The following RCAN3 variants were observed in gnomAD, a reference collection of about 807,000 sequenced individuals.
RCAN3 encodes calcipressin-3.
A neutral mutation model predicts 21.9 loss-of-function variants in RCAN3; 19 were observed. That is an observed-to-expected ratio of 0.87 (90% CI 0.61 to 1.27). The LOEUF (loss-of-function observed/expected upper bound fraction) is 1.27. Ranked by LOEUF, RCAN3 falls within the 50% of genes most tolerant of loss-of-function variation. The pLI is 0.00. For missense variants in RCAN3, 240 were observed against 300.1 expected (o/e 0.80, Z 1.48); for synonymous variants, 114 against 112.3 (o/e 1.01, Z -0.09).
intron 1 of RCAN3, among the ~76,000 whole-genome samples, chr1:24,511,162 A>C (rs965255547): frequency 1.3e-5 from 2 of 152,100 alleles, no homozygotes; most frequent in Non-Finnish European, 2.9e-5. Flanking sequence ...AAATACAAAA[A>C]ATTAGCTGGG....
At chr1:24,509,814 G>A (rs542416410) in intron 1 of RCAN3, among the ~76,000 whole-genome samples, 1 of 152,152 alleles carries the variant, frequency 6.6e-6, no homozygotes, top group Non-Finnish European at 1.5e-5. Flanking sequence ...ACTTTGCCCA[G>A]ATCTATCTGA....
Position 24,536,440 on chromosome 1 carries a change from G to A in RCAN3, c.*1163G>A, listed in dbSNP as rs1650233527. Reference sequence around the variant, plus strand: ...TAAAACAGAATTGTTTCCCACTTAGGTGTCAGAATGTACCTTTGAACTTCC... The same window carrying A: ...TAAAACAGAATTGTTTCCCACTTAGATGTCAGAATGTACCTTTGAACTTCC... On this transcript the variant is annotated 3_prime_UTR_variant, in exon 5 of 5. Coordinates refer to ENST00000374395, the MANE Select transcript of RCAN3 (RefSeq NM_013441.4). The A allele has an allele frequency of 6.6e-6, 1 of 152,176 alleles. No homozygotes were observed. The highest frequency in any genetic ancestry group is 2.1e-4 in the South Asian group (1 of 4,830). 9.4% of individuals were successfully genotyped at this position (152,176 alleles called of 1,614,324 possible). A position where few individuals can be genotyped will look rare whatever the true frequency, so the allele number is the denominator to read the frequency against.
chr1:24,505,232 C>CT (rs796980559), intron 1 of RCAN3, among the ~76,000 whole-genome samples: 1,198 of 65,706 alleles, frequency 0.018, 14 homozygotes, highest in Non-Finnish European at 0.024. Context: ...TCTCTTTTTT[C>CT]TTTTTTTTTT....
At chr1:24,505,278 T>G (rs1030708662) in intron 1 of RCAN3, among the ~76,000 whole-genome samples, 5 of 148,194 alleles carry the variant, frequency 3.4e-5, no homozygotes, top group African/African-American at 7.5e-5. Flanking sequence ...CTCCTTCTGT[T>G]GCCCAGGCTG....
At chr1:24,509,127 C>G (rs941473828) in intron 1 of RCAN3, among the ~76,000 whole-genome samples, 5 of 152,142 alleles carry the variant, frequency 3.3e-5, no homozygotes, top group African/African-American at 9.7e-5. Context: ...CGCCACTGCA[C>G]TAGAGTCTGG....
chr1:24,518,082 T>G (rs1648485043), intron 2 of RCAN3, among the ~76,000 whole-genome samples: 1 of 152,294 alleles, frequency 6.6e-6, no homozygotes, highest in South Asian at 2.1e-4. Context: ...CCCAGCACTT[T>G]GGGAGGCCGA....
chr1:24,526,054 G>C (rs1649234791), intron 2 of RCAN3, among the ~76,000 whole-genome samples: 1 of 152,112 alleles, frequency 6.6e-6, no homozygotes, highest in African/African-American at 2.4e-5. Context: ...CTCAGTAAAA[G>C]CTTGCTAATC....
chr1:24,526,170 C>T (rs773198758), intron 2 of RCAN3, among the ~76,000 whole-genome samples: 87 of 152,184 alleles, frequency 5.7e-4, no homozygotes, highest in Admixed American at 5.5e-3. Flanking sequence ...TGGCTCACTG[C>T]GGCCTCGAAC....
intron 2 of RCAN3, among the ~76,000 whole-genome samples, chr1:24,518,582 G>C (rs1648531636): frequency 6.8e-6 from 1 of 146,854 alleles, no homozygotes; most frequent in South Asian, 2.1e-4. Context: ...TTTAACCCCA[G>C]TTTTTTTTTT....
At chr1:24,533,531 G>A (rs1649968443) in intron 4 of RCAN3, among the ~76,000 whole-genome samples, 1 of 152,200 alleles carries the variant, frequency 6.6e-6, no homozygotes. Flanking sequence ...CAGGTGTGGT[G>A]GCCCACGCCT....
In RCAN3 at chr1:24,535,749, G is replaced by T. The variant is rs1362252686; in HGVS notation, c.*472G>T. 6.6e-6 allele frequency: 1 copy of T among 152,670 alleles called. No individual in the cohort carries two copies. The highest frequency in any genetic ancestry group is 1.5e-5 in the Non-Finnish European group (1 of 68,446). The allele number at this position is 152,670 out of a possible 1,614,324, so 9.5% of individuals were successfully genotyped here. On this transcript the variant is annotated 3_prime_UTR_variant, in exon 5 of 5. Transcript: ENST00000374395. ...GCTTCTAATTAATAAATCGATCAAA[G>T]GTTGTTACTCAGTATACATGAAATT...
intron 4 of RCAN3, 49 bp downstream of exon 4, chr1:24,533,303 T>G (rs776444541): frequency 4.2e-6 from 6 of 1,419,478 alleles, no homozygotes; most frequent in Non-Finnish European, 5.7e-6. Context: ...AACTTTTGTA[T>G]TGAAGATCGT....
intron 1 of RCAN3, among the ~76,000 whole-genome samples, chr1:24,511,528 G>A (rs888118915): frequency 1.3e-5 from 2 of 152,216 alleles, no homozygotes; most frequent in Non-Finnish European, 1.5e-5. Flanking sequence ...AACACGTGTC[G>A]GTTAGGAACA....
intron 2 of RCAN3, among the ~76,000 whole-genome samples, chr1:24,518,061 A>G (rs1339719462): frequency 6.6e-6 from 1 of 152,058 alleles, no homozygotes; most frequent in East Asian, 1.9e-4. Context: ...ACATTGGCTC[A>G]CACCCATAGT....
intron 2 of RCAN3, among the ~76,000 whole-genome samples, chr1:24,520,064 T>A (rs1439364274): frequency 1.3e-5 from 2 of 152,224 alleles, no homozygotes; most frequent in Non-Finnish European, 2.9e-5. Flanking sequence ...TGTTTGTACA[T>A]TCTAGCATAG....
chr1:24,521,184 G>A (rs1004746397), intron 2 of RCAN3, among the ~76,000 whole-genome samples: 1 of 152,162 alleles, frequency 6.6e-6, no homozygotes, highest in Admixed American at 6.5e-5. Flanking sequence ...TTCAACAAAG[G>A]TTCCAAGACT....
rs1422158575 is a variant in RCAN3, at chr1:24,537,269, T to A, written c.*1992T>A. 1 of 127,714 alleles carries A rather than the reference T, an allele frequency of 7.8e-6. No individual in the cohort carries two copies. Among genetic ancestry groups the A allele is most frequent in the Non-Finnish European group, 1.6e-5 (1 of 64,334 alleles). 7.9% of individuals were successfully genotyped at this position (127,714 alleles called of 1,614,324 possible). A position where few individuals can be genotyped will look rare whatever the true frequency, so the allele number is the denominator to read the frequency against. On this transcript the variant is annotated 3_prime_UTR_variant, in exon 5 of 5. Transcript: ENST00000374395. ...CAGTGCAAATTACAGTGCTTTTCTATTTTTTTTTTGAGAGCCTTGAATAAA... is the reference window on the plus strand; with the variant it reads ...CAGTGCAAATTACAGTGCTTTTCTAATTTTTTTTTGAGAGCCTTGAATAAA...
chr1:24,531,022 A>G (rs1188465972), intron 2 of RCAN3, among the ~76,000 whole-genome samples, 196 bp from the exon 3 acceptor site: 1 of 152,170 alleles, frequency 6.6e-6, no homozygotes. Context: ...ACAAATACAT[A>G]AAGTAAGTGT....
chr1:24,522,306 C>T (rs1648887570), intron 2 of RCAN3, among the ~76,000 whole-genome samples: 2 of 152,180 alleles, frequency 1.3e-5, no homozygotes, highest in Non-Finnish European at 2.9e-5. Flanking sequence ...CACACCTGGC[C>T]TGAGCTGCCG....
Sources: gnomAD v4.1 joint callset for allele counts (sites outside exome capture counted in the v4.1 genomes callset) on GRCh38, gnomAD v4.1.1 for gene constraint, MANE v1.5 for transcripts, NCBI Gene and HGNC (gene_info 2026-07-23, HGNC 2026-07-21) for gene names.